The following ZMAT4 variants were observed in gnomAD, a reference collection of about 807,000 sequenced individuals.
ZMAT4 encodes the protein zinc finger matrin-type protein 4.
ZMAT4 carries 17 observed loss-of-function variants against 28.7 expected under a neutral mutation model. The observed-to-expected ratio is 0.59, with a 90% CI of 0.41 to 0.89. The LOEUF (loss-of-function observed/expected upper bound fraction) is 0.89. Ranked by LOEUF, ZMAT4 falls within the 40% of genes least tolerant of loss-of-function variation. The pLI, the probability that ZMAT4 is intolerant of heterozygous loss-of-function variation, is 0.00. For missense variants in ZMAT4, 240 were observed against 283.8 expected (o/e 0.85, Z 1.11); for synonymous variants, 117 against 109.2 (o/e 1.07, Z -0.44).
chr8:40,598,967 T>C (rs1191260588), intron 5 of ZMAT4, among the ~76,000 whole-genome samples: 1 of 152,170 alleles, frequency 6.6e-6, no homozygotes, highest in Non-Finnish European at 1.5e-5. Flanking sequence ...GTTAATTCAA[T>C]AAGAGAAATA....
intron 6 of ZMAT4, among the ~76,000 whole-genome samples, chr8:40,571,596 C>T (rs1013805026): frequency 2.6e-5 from 4 of 152,062 alleles, no homozygotes; most frequent in Admixed American, 2.6e-4. Flanking sequence ...GCTGATTATC[C>T]AGATAGTCCT....
At chr8:40,655,690 A>G (rs902391042) in intron 5 of ZMAT4, among the ~76,000 whole-genome samples, 1 of 152,118 alleles carries the variant, frequency 6.6e-6, no homozygotes, top group African/African-American at 2.4e-5. Context: ...CAAAGGTGCC[A>G]TGACAATGCA....
chr8:40,771,390 A>T (rs184191668), intron 2 of ZMAT4, among the ~76,000 whole-genome samples: 1,602 of 151,762 alleles, frequency 0.011, 20 homozygotes, highest in African/African-American at 0.037. Flanking sequence ...ACTGGTTTTT[A>T]TTTTTTATTT....
intron 2 of ZMAT4, among the ~76,000 whole-genome samples, chr8:40,817,194 A>C (rs1180060241): frequency 6.6e-6 from 1 of 152,330 alleles, no homozygotes; most frequent in African/African-American, 2.4e-5. Context: ...AACTTTCTAA[A>C]AAATAAATCG....
intron 1 of ZMAT4, among the ~76,000 whole-genome samples, chr8:40,892,568 C>T (rs1474987992): frequency 6.6e-6 from 1 of 152,208 alleles, no homozygotes; most frequent in Non-Finnish European, 1.5e-5. Context: ...CTAGAGAAAG[C>T]AAATGGTCTA....
intron 6 of ZMAT4, among the ~76,000 whole-genome samples, chr8:40,551,659 T>C (rs1354531045): frequency 6.6e-6 from 1 of 152,136 alleles, no homozygotes; most frequent in Non-Finnish European, 1.5e-5. Context: ...ATTGTTACAA[T>C]AAACCTCTGT....
At chr8:40,852,257 T>C (rs1269952719) in intron 1 of ZMAT4, among the ~76,000 whole-genome samples, 1 of 152,244 alleles carries the variant, frequency 6.6e-6, no homozygotes, top group Non-Finnish European at 1.5e-5. Flanking sequence ...TTCTACTTTA[T>C]ATTTCTATGA....
intron 1 of ZMAT4, among the ~76,000 whole-genome samples, chr8:40,855,696 G>A (rs1490781319): frequency 8.4e-6 from 1 of 119,222 alleles, no homozygotes; most frequent in African/African-American, 3.2e-5. Context: ...TTTTTTTTTT[G>A]AGACAGGGTT....
rs188240201 is a variant in ZMAT4, at chr8:40,718,411, G to T, written c.193-21010C>A. ...CAAGCTTACTGATCCCATCCTTGAA[G>T]ATAGAAGTAAGCCAGTTTGTTCTGT... On this transcript the variant is annotated intron_variant, in intron 3 of 6. Coordinates refer to ENST00000297737, the MANE Select transcript of ZMAT4 (RefSeq NM_024645.3). 4.1e-3 allele frequency among the ~76,000 whole-genome samples: 629 copies of T among 152,326 alleles called. 1 individual carries two copies. The highest frequency in any genetic ancestry group is 6.8e-3 in the Middle Eastern group (2 of 294).
rs149575354 is a variant in ZMAT4, at chr8:40,725,905, G to A, written c.193-28504C>T. Among the ~76,000 whole-genome samples the A allele has an allele frequency of 1.6e-3, 242 of 152,362 alleles. 1 individual carries two copies. The highest frequency in any genetic ancestry group is 4.7e-4 in the Non-Finnish European group (32 of 68,038). On this transcript the variant is annotated intron_variant, in intron 3 of 6. Transcript: ENST00000297737. ...AAACTGATAATAGTATTCTAAAGAT[G>A]TGCTGTGCACATTTGCATAATTTTT...
chr8:40,684,826 G>A (rs778750593), intron 4 of ZMAT4, among the ~76,000 whole-genome samples: 4 of 152,116 alleles, frequency 2.6e-5, no homozygotes, highest in African/African-American at 4.8e-5. Context: ...ATGAATTTAC[G>A]GAAGTTGGTG....
chr8:40,680,729 CACAT>C (rs1809125686), intron 4 of ZMAT4, among the ~76,000 whole-genome samples: 1 of 151,432 alleles, frequency 6.6e-6, no homozygotes, highest in Non-Finnish European at 1.5e-5. Flanking sequence ...CACACACACA[CACAT>C]ATACTTTCTC....
chr8:40,635,390 C>T (rs1204738454), intron 5 of ZMAT4, among the ~76,000 whole-genome samples: 1 of 152,142 alleles, frequency 6.6e-6, no homozygotes, highest in Non-Finnish European at 1.5e-5. Context: ...CTCTTAAGAA[C>T]ACCCCACCAC....
chr8:40,654,961 G>C (rs934233894), intron 5 of ZMAT4, among the ~76,000 whole-genome samples: 2 of 151,668 alleles, frequency 1.3e-5, no homozygotes, highest in Non-Finnish European at 2.9e-5. Context: ...CGTTAGGAAA[G>C]AAACTTAAAT....
intron 6 of ZMAT4, among the ~76,000 whole-genome samples, chr8:40,533,633 G>T (rs945116901): frequency 2.0e-5 from 3 of 152,190 alleles, no homozygotes; most frequent in African/African-American, 4.8e-5. Flanking sequence ...TGCTGTCATA[G>T]AATATTCTTA....
At chr8:40,736,862 T>G (rs1184065212) in intron 3 of ZMAT4, among the ~76,000 whole-genome samples, 2 of 152,014 alleles carry the variant, frequency 1.3e-5, no homozygotes, top group African/African-American at 4.8e-5. Flanking sequence ...GAGGTACTCA[T>G]GGACTGAAAA....
At chr8:40,895,164 A>C (rs1240966235) in intron 1 of ZMAT4, among the ~76,000 whole-genome samples, 2 of 152,164 alleles carry the variant, frequency 1.3e-5, no homozygotes, top group African/African-American at 2.4e-5. Flanking sequence ...AAAGAGAGAG[A>C]GATCCAGTTT....
At chr8:40,730,243 T>C (rs1488257055) in intron 3 of ZMAT4, among the ~76,000 whole-genome samples, 1 of 152,188 alleles carries the variant, frequency 6.6e-6, no homozygotes, top group South Asian at 2.1e-4. Context: ...AAAACAGTCA[T>C]CTTTCCTGCT....
At chr8:40,817,230 A>T (rs1171033212) in intron 2 of ZMAT4, among the ~76,000 whole-genome samples, 1 of 152,222 alleles carries the variant, frequency 6.6e-6, no homozygotes, top group Non-Finnish European at 1.5e-5. Context: ...TATTAAAAGA[A>T]TAATATTACT....
Sources: allele counts gnomAD v4.1 joint callset (sites outside exome capture counted in the v4.1 genomes callset), GRCh38; gene constraint gnomAD v4.1.1; transcripts MANE v1.5; gene names NCBI Gene and HGNC (gene_info 2026-07-23, HGNC 2026-07-21).